KCNH7: variants seen among roughly 807,000 people sequenced by gnomAD.
KCNH7 encodes the protein potassium voltage-gated channel subfamily H member 7, also known as voltage-gated inwardly rectifying potassium channel KCNH7.
A neutral mutation model predicts 120.8 loss-of-function variants in KCNH7; 49 were observed. The observed-to-expected ratio is 0.41, with a 90% CI of 0.32 to 0.51. The LOEUF is 0.51. Ranked by LOEUF, KCNH7 falls within the 20% of genes least tolerant of loss-of-function variation. The probability of loss-of-function intolerance (pLI) is 0.38; values close to 1 mark genes in which losing one functional copy is unlikely to be tolerated. For synonymous variants in KCNH7, 547 were observed against 516.1 expected (o/e 1.06, Z -0.81); for missense variants, 1,097 against 1,446.6 (o/e 0.76, Z 3.92).
In KCNH7 at chr2:162,674,155, A is replaced by G. The variant is rs945226891; in HGVS notation, c.308-137075T>C. ...GGAAAGATAAATTTTTAGAATTAAT[A>G]AGAGTTTAGTATCTTTGCTGAGTAC... On this transcript the variant is annotated intron_variant, in intron 2 of 15. Transcript: ENST00000332142. 2.0e-5 allele frequency among the ~76,000 whole-genome samples: 3 copies of G among 151,850 alleles called. No individual in the cohort carries two copies. The East Asian group carries it at 5.8e-4, about 29-fold the overall frequency.
intron 2 of KCNH7, among the ~76,000 whole-genome samples, chr2:162,648,732 A>G (rs558753602): frequency 1.3e-5 from 2 of 152,210 alleles, no homozygotes; most frequent in South Asian, 4.1e-4. Context: ...CTCTTGGCCT[A>G]TAGAGTCTTA....
chr2:162,429,380 A>ATTTTTTTTTTTTTTTTTTTTT (rs1687981601), intron 8 of KCNH7, among the ~76,000 whole-genome samples: 1 of 69,348 alleles, frequency 1.4e-5, no homozygotes, highest in African/African-American at 9.7e-5. Flanking sequence ...ATGAGGAAAA[A>ATTTTTTTTTTTTTTTTTTTTT]GTCTTTTTTT....
At chr2:162,544,769 A>G (rs1245875364) in intron 2 of KCNH7, among the ~76,000 whole-genome samples, 1 of 152,074 alleles carries the variant, frequency 6.6e-6, no homozygotes, top group Admixed American at 6.6e-5. Flanking sequence ...GGAGGCAGCA[A>G]GACACCATCT....
At position 162,439,989 on chromosome 2, in the gene KCNH7, A is replaced by C. The variant is rs148197569; in HGVS notation, c.1555-4392T>G. On this transcript the variant is annotated intron_variant, in intron 7 of 15. Transcript: ENST00000332142. ...AGTGGAATTCTTTTTGAAGGCTTGAAATTAGAATAAGTAACTTCTTGTCAG... is the reference window on the plus strand; with the variant it reads ...AGTGGAATTCTTTTTGAAGGCTTGACATTAGAATAAGTAACTTCTTGTCAG... 3.7e-3 allele frequency among the ~76,000 whole-genome samples: 565 copies of C among 151,954 alleles called. 5 individuals are homozygous for C. Among genetic ancestry groups the C allele is most frequent in the African/African-American group, 0.013 (545 of 41,558 alleles).
chr2:162,722,773 C>T (rs1559100177), intron 2 of KCNH7, among the ~76,000 whole-genome samples: 1 of 132,296 alleles, frequency 7.6e-6, no homozygotes, highest in African/African-American at 3.0e-5. Context: ...ATAAACTCAT[C>T]ATCATGTTTT....
chr2:162,560,192 T>G (rs1693012382), intron 2 of KCNH7, among the ~76,000 whole-genome samples: 1 of 152,176 alleles, frequency 6.6e-6, no homozygotes. Context: ...GCCACAAAAT[T>G]TATTAACCGA....
chr2:162,777,086 T>C (rs575187939), intron 2 of KCNH7, among the ~76,000 whole-genome samples: 2 of 152,200 alleles, frequency 1.3e-5, no homozygotes, highest in East Asian at 3.9e-4. Context: ...AGAGAAGTGT[T>C]CCAAAATTCC....
intron 6 of KCNH7, among the ~76,000 whole-genome samples, chr2:162,498,486 G>A (rs1238448186): frequency 7.0e-6 from 1 of 143,240 alleles, no homozygotes; most frequent in Non-Finnish European, 1.5e-5. Flanking sequence ...TGGACTCTGT[G>A]TGTGTGGGGG....
chr2:162,552,157 T>G (rs1021542035), intron 2 of KCNH7, among the ~76,000 whole-genome samples: 2 of 152,168 alleles, frequency 1.3e-5, no homozygotes, highest in African/African-American at 2.4e-5. Context: ...ATTGTCCCAA[T>G]TTTACAGTGG....
chr2:162,573,549 G>T (rs921906737), intron 2 of KCNH7, among the ~76,000 whole-genome samples: 5 of 151,970 alleles, frequency 3.3e-5, no homozygotes, highest in African/African-American at 7.2e-5. Flanking sequence ...TACATATTTA[G>T]CAGATTCATA....
intron 2 of KCNH7, among the ~76,000 whole-genome samples, chr2:162,645,107 T>C (rs752739044): frequency 1.3e-5 from 2 of 152,154 alleles, no homozygotes; most frequent in Non-Finnish European, 2.9e-5. Flanking sequence ...AAAATCCCCA[T>C]GGCACTACTT....
At chr2:162,622,367 A>G (rs543672949) in intron 2 of KCNH7, among the ~76,000 whole-genome samples, 2 of 152,238 alleles carry the variant, frequency 1.3e-5, no homozygotes, top group Admixed American at 1.3e-4. Context: ...GATGTACAGA[A>G]CAGAATGGTT....
intron 6 of KCNH7, chr2:162,502,096 C>T (rs1053694280): frequency 3.3e-5 from 5 of 151,996 alleles, no homozygotes; most frequent in African/African-American, 1.2e-4. Flanking sequence ...GCTCAGAAAA[C>T]CACTTGTTCT....
At chr2:162,460,161 T>G (rs2105602162) in intron 6 of KCNH7, among the ~76,000 whole-genome samples, 1 of 151,226 alleles carries the variant, frequency 6.6e-6, no homozygotes, top group Middle Eastern at 3.5e-3. Flanking sequence ...GCCAGGCTCC[T>G]TTGGCCTAGG....
chr2:162,484,921 C>G (rs2105693815), intron 6 of KCNH7, among the ~76,000 whole-genome samples: 1 of 152,276 alleles, frequency 6.6e-6, no homozygotes, highest in East Asian at 1.9e-4. Flanking sequence ...GATGCCCAAT[C>G]TTGAACTTTC....
intron 2 of KCNH7, among the ~76,000 whole-genome samples, chr2:162,614,587 T>C (rs1164286696): frequency 6.6e-6 from 1 of 151,746 alleles, no homozygotes; most frequent in East Asian, 1.9e-4. Context: ...TCAAAGTGGA[T>C]AAATATTAAA....
intron 2 of KCNH7, among the ~76,000 whole-genome samples, chr2:162,620,110 A>G (rs955598912): frequency 6.6e-5 from 10 of 151,246 alleles, no homozygotes; most frequent in Non-Finnish European, 1.2e-4. Flanking sequence ...AATCTATAAA[A>G]AAAGGATAAT....
chr2:162,807,256 C>CAAAAAAAAA (rs745345993), intron 2 of KCNH7, among the ~76,000 whole-genome samples: 296 of 15,558 alleles, frequency 0.019, 4 homozygotes, highest in Non-Finnish European at 0.022. Flanking sequence ...ACTAAAAATA[C>CAAAAAAAAA]AAAAAAAAAA....
At chr2:162,720,318 AAAAAAG>A (rs1227932890) in intron 2 of KCNH7, among the ~76,000 whole-genome samples, 3 of 148,652 alleles carry the variant, frequency 2.0e-5, no homozygotes, top group African/African-American at 7.6e-5. Context: ...AAAAAAAAAA[AAAAAAG>A]AGAGAGAGAG....
Sources: gnomAD v4.1 joint callset for allele counts (sites outside exome capture counted in the v4.1 genomes callset) on GRCh38, gnomAD v4.1.1 for gene constraint, MANE v1.5 for transcripts, NCBI Gene and HGNC (gene_info 2026-07-23, HGNC 2026-07-21) for gene names.